Variants in CHFR observed in about 807,000 individuals in gnomAD.
CHFR encodes checkpoint with forkhead and ring finger domains, also known as E3 ubiquitin-protein ligase CHFR.
A neutral mutation model predicts 87.6 loss-of-function variants in CHFR; 57 were observed. The ratio of observed to expected loss-of-function variants is 0.65; its 90% CI spans 0.53 to 0.81. The LOEUF is 0.81. Ranked by LOEUF, CHFR falls within the 30% of genes least tolerant of loss-of-function variation. The probability of loss-of-function intolerance (pLI) is 0.00; values close to 1 mark genes in which losing one functional copy is unlikely to be tolerated. For missense variants in CHFR, 797 were observed against 865.8 expected (o/e 0.92, Z 1.00); for synonymous variants, 381 against 359.2 (o/e 1.06, Z -0.69).
rs1044467182 is a variant in CHFR, at chr12:132,837,056, G to C, written c.*4498C>G. On this transcript the variant is annotated 3_prime_UTR_variant, in exon 18 of 18. Coordinates refer to ENST00000450056, the MANE Select transcript of CHFR (RefSeq NM_001161346.2). ...GCTGAATGAGGAGAGGCTGCAGAGG[G>C]AGGGGCTGGTACCTGAGGGGCTGTT... 3 of 340,066 alleles carry C rather than the reference G, an allele frequency of 8.8e-6. No homozygotes were observed. Among genetic ancestry groups the C allele is most frequent in the Admixed American group, 8.4e-5 (2 of 23,946 alleles). The allele number at this position is 340,066 out of a possible 1,614,324, so 21.1% of individuals were successfully genotyped here. A position where few individuals can be genotyped will look rare whatever the true frequency, so the allele number is the denominator to read the frequency against.
chr12:132,857,209 C>T (rs1475296250), intron 9 of CHFR, among the ~76,000 whole-genome samples, 196 bp downstream of exon 9: 2 of 136,114 alleles, frequency 1.5e-5, no homozygotes, highest in East Asian at 2.3e-4. Flanking sequence ...ACCGCCCTCA[C>T]GTGCCTGGGT....
chr12:132,841,460 G>A lies in CHFR; in HGVS notation c.*94C>T. ...AGACCCTGCGTCCCTTCCCTCAGGG[G>A]GCTGTGAAAACACCTTGACGTGCTT... On this transcript the variant is annotated 3_prime_UTR_variant, in exon 18 of 18. Coordinates refer to ENST00000450056, the MANE Select transcript of CHFR (RefSeq NM_001161346.2). 1.8e-6 allele frequency: 2 copies of A among 1,096,596 alleles called. No homozygotes were observed. The highest frequency in any genetic ancestry group is 3.4e-5 in the Admixed American group (2 of 58,856). The allele number at this position is 1,096,596 out of a possible 1,614,324, so 67.9% of individuals were successfully genotyped here.
chr12:132,877,043 C>T (rs2137045543), intron 3 of CHFR, among the ~76,000 whole-genome samples: 1 of 152,248 alleles, frequency 6.6e-6, no homozygotes, highest in East Asian at 1.9e-4. Flanking sequence ...GATCCAACTG[C>T]CTCAGCCTCC....
intron 2 of CHFR, among the ~76,000 whole-genome samples, chr12:132,886,683 G>T (rs1015477770): frequency 1.8e-4 from 27 of 152,210 alleles, no homozygotes; most frequent in African/African-American, 6.5e-4. Context: ...TGGGACTTGA[G>T]ATCTTTTTTA....
At chr12:132,855,876 T>G (rs956262371) in intron 10 of CHFR, among the ~76,000 whole-genome samples, 1 of 152,248 alleles carries the variant, frequency 6.6e-6, no homozygotes, top group Middle Eastern at 3.4e-3. Context: ...GTTCATTGTC[T>G]TTTTAAATAT....
chr12:132,861,612 G>A lies in CHFR; in HGVS notation c.606C>T (p.Ser202=). Residue 202 remains serine, a synonymous_variant, in exon 7 of 18, where the codon TCC becomes TCT. Coordinates refer to ENST00000450056, the MANE Select transcript of CHFR (RefSeq NM_001161346.2). ...CCACAGAGGGACCACTTCCTTTAGG[G>A]GAGATGCCACCACCCCCAGACCCTG... ...SSCGSGGGGI[S]PKGSGPSVAS... The A allele has an allele frequency of 1.9e-6, 3 of 1,614,150 alleles. No homozygotes were observed. Among genetic ancestry groups the A allele is most frequent in the Non-Finnish European group, 2.5e-6 (3 of 1,180,022 alleles).
chr12:132,865,912 G>A (rs1951325396), intron 6 of CHFR: 1 of 152,104 alleles, frequency 6.6e-6, no homozygotes, highest in Non-Finnish European at 1.5e-5. Flanking sequence ...GGGCTCAAGG[G>A]ATCTGCCCAC....
intron 2 of CHFR, among the ~76,000 whole-genome samples, chr12:132,886,699 AG>A (rs1189559767): frequency 6.6e-6 from 1 of 152,200 alleles, no homozygotes; most frequent in Admixed American, 6.5e-5. Flanking sequence ...TTTTAATATA[AG>A]CACTACAGCT....
intron 7 of CHFR, among the ~76,000 whole-genome samples, chr12:132,860,003 C>A (rs1415922629): frequency 1.3e-5 from 2 of 152,162 alleles, no homozygotes; most frequent in African/African-American, 2.4e-5. Context: ...CAAGACTGCA[C>A]CACGGCGCTC....
chr12:132,865,441 G>T (rs1446878019), intron 6 of CHFR, among the ~76,000 whole-genome samples: 1 of 151,518 alleles, frequency 6.6e-6, no homozygotes, highest in African/African-American at 2.4e-5. Context: ...TGCAACCTCC[G>T]CCTCCCAGCC....
At chr12:132,844,785 C>T (rs1323982153) in intron 15 of CHFR, among the ~76,000 whole-genome samples, 2 of 152,096 alleles carry the variant, frequency 1.3e-5, no homozygotes, top group Non-Finnish European at 2.9e-5. Context: ...TGTGTGCCAC[C>T]GTGCCCGGCT....
chr12:132,843,811 T>C (rs903165947), intron 16 of CHFR, among the ~76,000 whole-genome samples: 2 of 151,738 alleles, frequency 1.3e-5, no homozygotes, highest in Admixed American at 1.3e-4. Flanking sequence ...TAGCCGGGCG[T>C]GGTGGCGGGT....
chr12:132,854,280 T>G (rs1593465488), intron 10 of CHFR: 3 of 152,346 alleles, frequency 2.0e-5, no homozygotes, highest in Non-Finnish European at 4.4e-5. Flanking sequence ...GAGGCCCTCA[T>G]GCAGACCTTG....
At chr12:132,852,277 C>G (rs1255502433) in intron 11 of CHFR, among the ~76,000 whole-genome samples, 1 of 152,042 alleles carries the variant, frequency 6.6e-6, no homozygotes, top group Admixed American at 6.6e-5. Flanking sequence ...CATGAGCCAC[C>G]GTGCCCGGCC....
At chr12:132,875,150 A>G (rs933024562) in intron 3 of CHFR, among the ~76,000 whole-genome samples, 3 of 152,276 alleles carry the variant, frequency 2.0e-5, no homozygotes, top group South Asian at 2.1e-4. Context: ...ACTTAATCTG[A>G]TATCTATTAG....
intron 2 of CHFR, among the ~76,000 whole-genome samples, chr12:132,886,205 C>T (rs191998331): frequency 1.3e-5 from 2 of 151,880 alleles, no homozygotes; most frequent in Admixed American, 6.6e-5. Flanking sequence ...CCAGCTACTC[C>T]GAGGCTGAGG....
rs575731514 is a variant in CHFR, at chr12:132,837,100, C to T, written c.*4454G>A. 9.8e-5 allele frequency: 30 copies of T among 305,676 alleles called. No homozygotes were observed. The highest frequency in any genetic ancestry group is 6.2e-4 in the African/African-American group (28 of 45,034). 18.9% of individuals were successfully genotyped at this position (305,676 alleles called of 1,614,324 possible). On this transcript the variant is annotated 3_prime_UTR_variant, in exon 18 of 18. Transcript: ENST00000450056. ...GGCTGTTTGTGAGAATTAGCTGGTT[C>T]GGTGGAGAAGCAGAGGAACACCTGA... is the stretch of plus-strand genomic sequence containing the variant.
intron 7 of CHFR, 49 bp from the exon 8 acceptor site, chr12:132,859,276 G>A (rs374414666): frequency 3.8e-5 from 59 of 1,552,504 alleles, no homozygotes; most frequent in African/African-American, 3.5e-4. Context: ...GGAAATACAC[G>A]CAGGTTCAGG....
intron 14 of CHFR, chr12:132,847,828 G>A (rs1191734568): frequency 2.5e-5 from 33 of 1,330,074 alleles, no homozygotes; most frequent in Middle Eastern, 3.0e-4. Flanking sequence ...CAAGAGCTGC[G>A]GGAAGCGGCT....
Sources: allele counts gnomAD v4.1 joint callset (sites outside exome capture counted in the v4.1 genomes callset), GRCh38; gene constraint gnomAD v4.1.1; transcripts MANE v1.5; gene names NCBI Gene and HGNC (gene_info 2026-07-23, HGNC 2026-07-21).